ATG4B: variants seen among roughly 807,000 people sequenced by gnomAD.
The protein encoded by ATG4B is autophagy related 4B cysteine peptidase, also known as cysteine protease ATG4B.
In ATG4B, 29 loss-of-function variants were observed where a neutral mutation model predicts 56.6. The ratio of observed to expected loss-of-function variants is 0.51; its 90% CI spans 0.38 to 0.70. The LOEUF is 0.70. Ranked by LOEUF, ATG4B falls within the 30% of genes least tolerant of loss-of-function variation. The pLI is 0.00. For synonymous variants in ATG4B, 224 were observed against 206.1 expected (o/e 1.09, Z -0.74); for missense variants, 461 against 515.5 (o/e 0.89, Z 1.02).
At chr2:241,653,472 A>G (rs1216686543) in intron 3 of ATG4B, 40 bp from the exon 4 acceptor site, 3 of 1,554,412 alleles carry the variant, frequency 1.9e-6, no homozygotes, top group Non-Finnish European at 2.6e-6. Context: ...CTGTGGGGCC[A>G]TCTGGCCATG....
At chr2:241,639,213 C>T (rs761026781) in intron 1 of ATG4B, among the ~76,000 whole-genome samples, 37 of 152,248 alleles carry the variant, frequency 2.4e-4, no homozygotes, top group Non-Finnish European at 4.7e-4. Context: ...AGACATGTGG[C>T]AAGCAACTCC....
At position 241,657,028 on chromosome 2, in the gene ATG4B, G is replaced by T. The variant is rs940967437; in HGVS notation, c.458+1685G>T. ...CAGTAGCCTGGGCTGGAGTGCAGTG[G>T]TGCAATCTTGGGCTCACTGCTTCCT... On this transcript the variant is annotated intron_variant, in intron 6 of 12. Coordinates refer to ENST00000404914, the MANE Select transcript of ATG4B (RefSeq NM_013325.5). 2.1e-5 allele frequency among the ~76,000 whole-genome samples: 3 copies of T among 143,642 alleles called. No individual in the cohort carries two copies. The East Asian group carries it at 9.0e-4, about 43-fold the overall frequency. 94.2% of individuals were successfully genotyped at this position (143,642 alleles called of 152,430 possible).
At chr2:241,671,614 T>TC in intron 12 of ATG4B, 4 of 1,492,290 alleles carry the variant, frequency 2.7e-6, no homozygotes, top group Non-Finnish European at 1.8e-6. Context: ...CACCTCGTCT[T>TC]CCCCACCAGC....
chr2:241,639,091 A>G lies in ATG4B; in HGVS notation c.10+1367A>G, dbSNP rs1427854397. Among the ~76,000 whole-genome samples the G allele has an allele frequency of 3.9e-5, 6 of 152,290 alleles. No homozygotes were observed. In the Middle Eastern group the frequency reaches 0.014, roughly 345 times the overall value. Reference sequence around the variant, plus strand: ...CTATGGCACGGATACCATGGCCACCATGACTGTATGCTCAGCCCCTGGCGG... The same window carrying G: ...CTATGGCACGGATACCATGGCCACCGTGACTGTATGCTCAGCCCCTGGCGG... On this transcript the variant is annotated intron_variant, in intron 1 of 12. Transcript: ENST00000404914.
At chr2:241,650,856 G>A (rs1246774816) in intron 1 of ATG4B, among the ~76,000 whole-genome samples, 154 bp from the exon 2 acceptor site, 1 of 152,120 alleles carries the variant, frequency 6.6e-6, no homozygotes, top group East Asian at 1.9e-4. Context: ...TCCATGGTGG[G>A]TGTCTTGGTA....
At position 241,671,380 on chromosome 2, in the gene ATG4B, C is replaced by T. The variant is rs751585652; in HGVS notation, c.1083C>T (p.Cys361=). ...LVELQPSHLA[C]PDVLNLSLDS... ...AGCTGCAGCCTTCACATCTGGCCTG[C>T]CCCGACGTCCTGAACCTGTCCCTAG... Residue 361 remains cysteine (C), a synonymous_variant, in exon 12 of 13, where the codon TGC becomes TGT. Coordinates refer to ENST00000404914, the MANE Select transcript of ATG4B (RefSeq NM_013325.5). 2 of 1,613,622 alleles carry T rather than the reference C, an allele frequency of 1.2e-6. No homozygotes were observed. The highest frequency in any genetic ancestry group is 1.1e-5 in the South Asian group (1 of 90,978).
At chr2:241,648,311 T>C (rs1365312337) in intron 1 of ATG4B, among the ~76,000 whole-genome samples, 3 of 151,874 alleles carry the variant, frequency 2.0e-5, no homozygotes, top group Non-Finnish European at 4.4e-5. Context: ...GCAGAGCTCT[T>C]GGGGGCCAGG....
chr2:241,669,418 C>T (rs1272967898), intron 10 of ATG4B, among the ~76,000 whole-genome samples: 1 of 152,204 alleles, frequency 6.6e-6, no homozygotes, highest in Non-Finnish European at 1.5e-5. Flanking sequence ...TGTGGCGCAG[C>T]CCCAGAGTGC....
At chr2:241,671,530 A>G (rs774465783) in intron 12 of ATG4B, 125 bp downstream of exon 12, 56 of 1,543,290 alleles carry the variant, frequency 3.6e-5, no homozygotes, top group Non-Finnish European at 4.0e-5. Flanking sequence ...AGCACTTGGC[A>G]GTGGTTCGCC....
intron 1 of ATG4B, chr2:241,638,119 G>A (rs2067737707): frequency 6.2e-6 from 1 of 161,518 alleles, no homozygotes; most frequent in South Asian, 1.9e-4. Flanking sequence ...CGAGCGGCGG[G>A]CGAAAGCGTA....
Position 241,668,560 on chromosome 2 carries a change from G to A in ATG4B, c.832G>A (p.Asp278Asn). ...GYVGEELIYLDPHTTQPAVEP... is the reference protein window; with the variant it reads ...GYVGEELIYLNPHTTQPAVEP... The stretch of plus-strand genomic sequence containing the variant: ...CCCAGGTGAGGAGCTCATCTACCTG[G>A]ACCCCCACACCACGCAGCCAGCCGT... The change falls in exon 10 of 13, where the codon GAC (aspartate) becomes AAC (asparagine). Residue 278 changes from aspartate to asparagine, a missense_variant. Transcript: ENST00000404914. The surrounding 1 kb of genome is among the most constrained non-coding windows in gnomAD (Gnocchi z 4.2). 1 of 1,609,546 alleles carries A rather than the reference G, an allele frequency of 6.2e-7. No individual in the cohort carries two copies. The highest frequency in any genetic ancestry group is 8.5e-7 in the Non-Finnish European group (1 of 1,179,214).
At chr2:241,639,207 A>G (rs543978085) in intron 1 of ATG4B, among the ~76,000 whole-genome samples, 1 of 152,364 alleles carries the variant, frequency 6.6e-6, no homozygotes, top group Non-Finnish European at 1.5e-5. Flanking sequence ...ACAGCTAGAC[A>G]TGTGGCAAGC....
intron 7 of ATG4B, among the ~76,000 whole-genome samples, chr2:241,664,960 A>G (rs1483468149): frequency 6.6e-6 from 1 of 152,100 alleles, no homozygotes; most frequent in Non-Finnish European, 1.5e-5. Context: ...AATCGGCTTC[A>G]AAAAAGAAAA....
chr2:241,639,793 G>A (rs1002587778), intron 1 of ATG4B, among the ~76,000 whole-genome samples: 11 of 152,302 alleles, frequency 7.2e-5, no homozygotes, highest in Admixed American at 1.3e-4. Context: ...CTACTCAAAG[G>A]TGGGCACAAC....
At chr2:241,672,052 C>G (rs1314270619) in intron 12 of ATG4B, 139 bp from the exon 13 acceptor site, 1 of 1,458,966 alleles carries the variant, frequency 6.9e-7, no homozygotes, top group African/African-American at 1.4e-5. Context: ...ACCCCCGGAC[C>G]TGTTCACACC....
intron 7 of ATG4B, among the ~76,000 whole-genome samples, chr2:241,660,356 C>A (rs1179977172): frequency 1.3e-5 from 2 of 152,150 alleles, no homozygotes; most frequent in African/African-American, 2.4e-5. Flanking sequence ...GTTTCTTCAT[C>A]GTCTGGCCAT....
At chr2:241,666,510 C>A in intron 7 of ATG4B, 135 bp from the exon 8 acceptor site, 1 of 937,942 alleles carries the variant, frequency 1.1e-6, no homozygotes, top group South Asian at 1.6e-5. Context: ...CTATATTTTC[C>A]AAGTTTGAAT....
chr2:241,659,260 C>G (rs1481228450), intron 7 of ATG4B, 73 bp downstream of exon 7: 1 of 1,361,084 alleles, frequency 7.3e-7, no homozygotes, highest in Admixed American at 1.8e-5. Flanking sequence ...TCGCCTGAGT[C>G]CCCACGGGAG....
chr2:241,661,491 C>T (rs1012872745), intron 7 of ATG4B, among the ~76,000 whole-genome samples: 3 of 152,092 alleles, frequency 2.0e-5, no homozygotes, highest in African/African-American at 2.4e-5. Flanking sequence ...CAAGGGAGGA[C>T]GTCTGAGGAA....
Sources: allele counts gnomAD v4.1 joint callset (sites outside exome capture counted in the v4.1 genomes callset), GRCh38; gene constraint gnomAD v4.1.1; non-coding constraint Gnocchi (gnomAD v3.1); transcripts MANE v1.5; gene names NCBI Gene and HGNC (gene_info 2026-07-23, HGNC 2026-07-21).